The following ARHGAP42 variants were observed in gnomAD, a reference collection of about 807,000 sequenced individuals.
ARHGAP42 encodes Rho GTPase activating protein 42, also known as rho GTPase-activating protein 42.
A neutral mutation model predicts 125.0 loss-of-function variants in ARHGAP42; 63 were observed. That is an observed-to-expected ratio of 0.50 (90% CI 0.41 to 0.62). The LOEUF (loss-of-function observed/expected upper bound fraction) is 0.62, where lower values mean the gene tolerates loss of function less well. ARHGAP42 is among the 20% of genes least tolerant of loss of function. The pLI is 0.00. For missense variants in ARHGAP42, 766 were observed against 1,024.2 expected (o/e 0.75, Z 3.44); for synonymous variants, 339 against 351.0 (o/e 0.97, Z 0.38).
intron 3 of ARHGAP42, among the ~76,000 whole-genome samples, chr11:100,814,999 T>C (rs1864232335): frequency 6.6e-6 from 1 of 152,248 alleles, no homozygotes; most frequent in Non-Finnish European, 1.5e-5. Context: ...GTTGGCCTCA[T>C]GGTGGACACT....
intron 6 of ARHGAP42, among the ~76,000 whole-genome samples, chr11:100,930,401 T>A (rs1245842937): frequency 6.6e-6 from 1 of 152,182 alleles, no homozygotes; most frequent in South Asian, 2.1e-4. Flanking sequence ...CATAATGCAA[T>A]CTTCAATAAA....
chr11:100,841,416 T>C (rs980519734), intron 3 of ARHGAP42, among the ~76,000 whole-genome samples: 6 of 152,238 alleles, frequency 3.9e-5, no homozygotes, highest in Non-Finnish European at 7.4e-5. Flanking sequence ...TTCTTTGCAG[T>C]GACAGTGGCT....
intron 3 of ARHGAP42, among the ~76,000 whole-genome samples, chr11:100,809,836 G>A (rs566513018): frequency 6.6e-6 from 1 of 152,194 alleles, no homozygotes; most frequent in East Asian, 1.9e-4. Flanking sequence ...AGCTACTTGG[G>A]AGGCTGAGGT....
At chr11:100,899,591 A>G (rs1866470569) in intron 4 of ARHGAP42, among the ~76,000 whole-genome samples, 1 of 151,872 alleles carries the variant, frequency 6.6e-6, no homozygotes. Context: ...CTTTACCATT[A>G]TGTAATGGAC....
In ARHGAP42 at chr11:100,752,787, C is replaced by G. The variant is rs113338379; in HGVS notation, c.155-17556C>G. 6.8e-3 allele frequency among the ~76,000 whole-genome samples: 1,033 copies of G among 152,316 alleles called. 21 individuals carry two copies. Among genetic ancestry groups the G allele is most frequent in the African/African-American group, 0.023 (975 of 41,560 alleles). ...GTAATGAACTTGTCCTGTGGACAGACTTAGGACCTTCTGGTTAGCCAGGGT... is the reference window on the plus strand; with the variant it reads ...GTAATGAACTTGTCCTGTGGACAGAGTTAGGACCTTCTGGTTAGCCAGGGT... On this transcript the variant is annotated intron_variant, in intron 1 of 23. Coordinates refer to ENST00000298815, the MANE Select transcript of ARHGAP42 (RefSeq NM_152432.4).
intron 4 of ARHGAP42, among the ~76,000 whole-genome samples, chr11:100,887,667 A>G (rs1194622453): frequency 6.6e-6 from 1 of 152,196 alleles, no homozygotes; most frequent in African/African-American, 2.4e-5. Flanking sequence ...GTTTCCCTTC[A>G]GGATGACCTT....
rs1022433572 is a variant in ARHGAP42 at position 100,959,935 on chromosome 11, G to A, written c.1215G>A (p.Val405=). 4 of 1,551,320 alleles carry A rather than the reference G, an allele frequency of 2.6e-6. No homozygotes were observed. Among genetic ancestry groups the A allele is most frequent in the South Asian group, 1.2e-5 (1 of 84,034 alleles). Residue 405 remains valine (V), a synonymous_variant, in exon 13 of 24, where the codon GTG becomes GTA. Transcript: ENST00000298815. ...TTGTGAGAAAATGCATTCAAGCTGTGGAAACAAGAGGTCAGTGTTGCCTGA... is the reference window on the plus strand; with the variant it reads ...TTGTGAGAAAATGCATTCAAGCTGTAGAAACAAGAGGTCAGTGTTGCCTGA... ...FNFVRKCIQA[V]ETRGITILGL... is the part of the protein sequence containing the mutation.
chr11:100,890,780 A>G (rs1454480678), intron 4 of ARHGAP42, among the ~76,000 whole-genome samples: 1 of 152,208 alleles, frequency 6.6e-6, no homozygotes, highest in Non-Finnish European at 1.5e-5. Context: ...GGTAGGTTTT[A>G]TTCTCACATA....
At chr11:100,792,846 G>A (rs943863481) in intron 2 of ARHGAP42, among the ~76,000 whole-genome samples, 6 of 150,788 alleles carry the variant, frequency 4.0e-5, no homozygotes, top group Admixed American at 1.3e-4. Context: ...TCTGCCTTCC[G>A]GGTTCACGCC....
chr11:100,937,978 T>G lies in ARHGAP42; in HGVS notation c.832+1646T>G, dbSNP rs900628795. Among the ~76,000 whole-genome samples, 4 of 152,104 alleles carry G rather than the reference T, an allele frequency of 2.6e-5. No individual in the cohort carries two copies. The East Asian group carries it at 7.7e-4, about 29-fold the overall frequency. On this transcript the variant is annotated intron_variant, in intron 8 of 23. Transcript: ENST00000298815. ...GCGCTTACCTGATGATGGTATCTTTTGTTCTAAGATGCTTAACTTCTCTGG... is the reference window on the plus strand; with the variant it reads ...GCGCTTACCTGATGATGGTATCTTTGGTTCTAAGATGCTTAACTTCTCTGG...
chr11:100,894,998 G>A (rs1866314982), intron 4 of ARHGAP42, among the ~76,000 whole-genome samples: 1 of 152,128 alleles, frequency 6.6e-6, no homozygotes, highest in African/African-American at 2.4e-5. Context: ...TTATATACAG[G>A]ACCACCATAA....
At chr11:100,946,673 G>A (rs1591313924) in intron 10 of ARHGAP42, among the ~76,000 whole-genome samples, 2 of 152,014 alleles carry the variant, frequency 1.3e-5, no homozygotes, top group African/African-American at 4.8e-5. Context: ...TTGACTGTTT[G>A]CCATCTTATG....
At chr11:100,841,330 T>C (rs1026329959) in intron 3 of ARHGAP42, among the ~76,000 whole-genome samples, 5 of 152,088 alleles carry the variant, frequency 3.3e-5, no homozygotes, top group African/African-American at 1.2e-4. Flanking sequence ...TTTTTTGCTG[T>C]TACTTTTTGG....
rs1861107083 is a variant in ARHGAP42 at position 100,687,624 on chromosome 11, C to A, written c.-55C>A. On this transcript the variant is annotated 5_prime_UTR_variant, in exon 1 of 24. Coordinates refer to ENST00000298815, the MANE Select transcript of ARHGAP42 (RefSeq NM_152432.4). ...GCCCGCCGCGGCCGCCGGCTGCCCC[C>A]GCCCTGACCTCCGGCCCGGACGTGT... 8.0e-7 allele frequency: 1 copy of A among 1,243,738 alleles called. No individual in the cohort carries two copies. The highest frequency in any genetic ancestry group is 4.0e-5 in the Admixed American group (1 of 24,708). 77.0% of individuals were successfully genotyped at this position (1,243,738 alleles called of 1,614,324 possible).
intron 17 of ARHGAP42, among the ~76,000 whole-genome samples, chr11:100,967,274 G>T (rs1439410084): frequency 3.3e-5 from 5 of 152,094 alleles, no homozygotes; most frequent in Admixed American, 1.3e-4. Flanking sequence ...CTTCCTAAGA[G>T]TCCTTTTGTT....
At chr11:100,906,990 C>T (rs1194792099) in intron 4 of ARHGAP42, among the ~76,000 whole-genome samples, 1 of 152,192 alleles carries the variant, frequency 6.6e-6, no homozygotes, top group Non-Finnish European at 1.5e-5. Context: ...TTTCTGTTAG[C>T]ATCTCATTGA....
intron 3 of ARHGAP42, among the ~76,000 whole-genome samples, chr11:100,817,510 G>C (rs1462527271): frequency 9.2e-5 from 14 of 152,188 alleles, no homozygotes; most frequent in Admixed American, 8.5e-4. Context: ...TTGAAGCTCA[G>C]GAAATGTTGA....
rs113677274 is a variant in ARHGAP42 at position 100,689,643 on chromosome 11, T to G, written c.154+1811T>G. 3.9e-3 allele frequency among the ~76,000 whole-genome samples: 596 copies of G among 152,328 alleles called. 4 individuals carry two copies. Among genetic ancestry groups the G allele is most frequent in the African/African-American group, 0.014 (566 of 41,574 alleles). On this transcript the variant is annotated intron_variant, in intron 1 of 23. Coordinates refer to ENST00000298815, the MANE Select transcript of ARHGAP42 (RefSeq NM_152432.4). Reference sequence around the variant, plus strand: ...AGAAATCTTGGGAGCGTAGGCTCTTTGAAGATATAGGCCCTGCATCATTAA... The same window carrying G: ...AGAAATCTTGGGAGCGTAGGCTCTTGGAAGATATAGGCCCTGCATCATTAA...
chr11:100,794,999 C>A lies in ARHGAP42; in HGVS notation c.251-106C>A, dbSNP rs181237972. On this transcript the variant is annotated intron_variant, in intron 2 of 23. Coordinates refer to ENST00000298815, the MANE Select transcript of ARHGAP42 (RefSeq NM_152432.4). ...TCAAATTAATAGTATACAGAATATA[C>A]TATATACAAATTAATAACCAGCTTT... 5.3e-3 allele frequency: 4,211 copies of A among 797,388 alleles called. 26 individuals carry two copies. The highest frequency in any genetic ancestry group is 0.012 in the South Asian group (638 of 51,922). The allele number at this position is 797,388 out of a possible 1,614,324, so 49.4% of individuals were successfully genotyped here.
Sources: allele counts gnomAD v4.1 joint callset (sites outside exome capture counted in the v4.1 genomes callset), GRCh38; gene constraint gnomAD v4.1.1; transcripts MANE v1.5; gene names NCBI Gene and HGNC (gene_info 2026-07-23, HGNC 2026-07-21).